CCDC27: variants seen among roughly 807,000 people sequenced by gnomAD.
The protein encoded by CCDC27 is coiled-coil domain containing 27, also known as coiled-coil domain-containing protein 27.
CCDC27 carries 80 observed loss-of-function variants against 80.3 expected under a neutral mutation model. The ratio of observed to expected loss-of-function variants is 1.00; its 90% confidence interval spans 0.83 to 1.20. The LOEUF is 1.20. Among genes scored for constraint, CCDC27 ranks in the 50% most tolerant of loss-of-function variants. CCDC27 has a pLI of 0.00. For missense variants in CCDC27, 815 were observed against 809.4 expected, an observed-to-expected ratio of 1.01 and a Z score of -0.08; for synonymous variants, 342 against 334.3, an observed-to-expected ratio of 1.02 and a Z score of -0.25.
chr1:3,762,740 C>A, intron 6 of CCDC27, 28 bp downstream of exon 6: 2 of 1,540,172 alleles, frequency 1.3e-6, no homozygotes, highest in Non-Finnish European at 1.8e-6. Flanking sequence ...AGCAGGCACG[C>A]AGTGGGGGAC....
intron 8 of CCDC27, among the ~76,000 whole-genome samples, chr1:3,764,128 G>A (rs371549031): frequency 2.0e-5 from 3 of 152,220 alleles, no homozygotes; most frequent in Non-Finnish European, 4.4e-5. Context: ...CACTCCTCAA[G>A]CATCTCCTGG....
At chr1:3,757,309 C>T (rs1433451981) in intron 4 of CCDC27, 1 of 152,566 alleles carries the variant, frequency 6.6e-6, no homozygotes, top group African/African-American at 2.4e-5. Flanking sequence ...TTTTCACTGT[C>T]TTATAATTCC....
In CCDC27 at chr1:3,766,450, G is replaced by A. The variant is rs1643228869; in HGVS notation, c.1453-85G>A. ...GCTGCTATTATTTTAGGGAGCTTTG[G>A]GGAAGGAAAAAAGTTAGATGCCGGA... is the stretch of plus-strand genomic sequence containing the variant. On this transcript the variant is annotated intron_variant, in intron 8 of 11. Transcript: ENST00000294600. This position sits in a 1 kb window ranked among gnomAD's most constrained non-coding sequence, Gnocchi z 6.1. The A allele has an allele frequency of 2.3e-6, 2 of 885,070 alleles. No individual in the cohort carries two copies. Among genetic ancestry groups the A allele is most frequent in the Non-Finnish European group, 3.6e-6 (2 of 553,954 alleles). 54.8% of individuals were successfully genotyped at this position (885,070 alleles called of 1,614,324 possible).
In CCDC27 at chr1:3,769,303, G is replaced by T. The variant is rs909175902; in HGVS notation, c.1744-480G>T. ...GCCAGGTTCAACGCTGCTGTCCATG[G>T]CACAGACACCTCCTAGTCAGCATGG... On this transcript the variant is annotated intron_variant, in intron 10 of 11. Transcript: ENST00000294600. This position sits in a 1 kb window ranked among gnomAD's most constrained non-coding sequence, Gnocchi z 4.6. 6.6e-6 allele frequency among the ~76,000 whole-genome samples: 1 copy of T among 152,082 alleles called. No individual in the cohort carries two copies. Among genetic ancestry groups the T allele is most frequent in the African/African-American group, 2.4e-5 (1 of 41,394 alleles).
rs139134726 is a variant in CCDC27, at chr1:3,762,688, G to A, written c.930G>A (p.Glu310=). 717 of 1,549,524 alleles carry A rather than the reference G, an allele frequency of 4.6e-4. 3 individuals carry two copies. Among genetic ancestry groups the A allele is most frequent in the Admixed American group, 5.7e-4 (29 of 50,992 alleles). Residue 310 remains glutamate (E), a synonymous_variant, in exon 6 of 12, where the codon GAG becomes GAA. Transcript: ENST00000294600. ...LSLLKAFSRH[E]EELQHWWQMQ... ...TCCTGAAGGCCTTCTCCAGACATGA[G>A]GAGGAGCTGCAGCACTGGTGGCAGG... is the stretch of plus-strand genomic sequence containing the variant.
At position 3,767,524 on chromosome 1, in the gene CCDC27, G is replaced by A. The variant is rs2275838; in HGVS notation, c.1743+79G>A. 6.5e-4 allele frequency: 850 copies of A among 1,317,090 alleles called. 4 individuals carry two copies. In the East Asian group the frequency reaches 0.013, roughly 20 times the overall value. 81.6% of individuals were successfully genotyped at this position (1,317,090 alleles called of 1,614,324 possible). On this transcript the variant is annotated intron_variant, in intron 10 of 11. Coordinates refer to ENST00000294600, the MANE Select transcript of CCDC27 (RefSeq NM_152492.3). ...CCCAGGCCTCTGCCCACCGCCCACC[G>A]AGGTAGAACCGGGGTCTGTGTACGC...
rs540215891 is a variant in CCDC27, at chr1:3,760,456, T to G, written c.712-825T>G. The stretch of plus-strand genomic sequence containing the variant: ...TCTTTTTCTGAACTCTTGAGATAGA[T>G]ACTTGGGTCATGATTTTCCATTTCC... On this transcript the variant is annotated intron_variant, in intron 4 of 11. Transcript: ENST00000294600. The surrounding 1 kb of genome is among the most constrained non-coding windows in gnomAD (Gnocchi z 4.3). 4.9e-4 allele frequency among the ~76,000 whole-genome samples: 74 copies of G among 152,352 alleles called. No homozygotes were observed. In the South Asian group the frequency reaches 8.9e-3, roughly 18 times the overall value.
At chr1:3,755,813 T>G in intron 3 of CCDC27, 1 of 493,102 alleles carries the variant, frequency 2.0e-6, no homozygotes, top group Middle Eastern at 5.6e-4. Context: ...TAGTTGAAAG[T>G]TTTGTCCCCT....
rs370141927 is a variant in CCDC27 at position 3,763,160 on chromosome 1, G to A, written c.1007G>A (p.Gly336Asp). ...AGGGGCAAGGAGCCCGACCTGGGAGGTGGCGAGGAGGACGAGGGCCTGGAA... is the reference window on the plus strand; with the variant it reads ...AGGGGCAAGGAGCCCGACCTGGGAGATGGCGAGGAGGACGAGGGCCTGGAA... ...PERGKEPDLGGGEEDEGLEGE... is the reference protein window; with the variant it reads ...PERGKEPDLGDGEEDEGLEGE... Residue 336 changes from glycine to aspartate, a missense_variant, in exon 7 of 12, where the codon GGT becomes GAT. Coordinates refer to ENST00000294600, the MANE Select transcript of CCDC27 (RefSeq NM_152492.3). The surrounding 1 kb of genome is among the most constrained non-coding windows in gnomAD (Gnocchi z 7.5). 1.3e-6 allele frequency: 2 copies of A among 1,493,092 alleles called. No individual in the cohort carries two copies. Among genetic ancestry groups the A allele is most frequent in the African/African-American group, 2.8e-5 (2 of 71,388 alleles). The allele number at this position is 1,493,092 out of a possible 1,614,324, so 92.5% of individuals were successfully genotyped here. A position where few individuals can be genotyped will look rare whatever the true frequency, so the allele number is the denominator to read the frequency against.
Position 3,766,677 on chromosome 1 carries a change from G to A in CCDC27, c.1530+65G>A. The A allele has an allele frequency of 7.3e-7, 1 of 1,369,686 alleles. No homozygotes were observed. The highest frequency in any genetic ancestry group is 1.0e-6 in the Non-Finnish European group (1 of 966,514). The allele number at this position is 1,369,686 out of a possible 1,614,324, so 84.8% of individuals were successfully genotyped here. A position where few individuals can be genotyped will look rare whatever the true frequency, so the allele number is the denominator to read the frequency against. ...TGTTCTTACTGTAAGTCCCAACACA[G>A]CAAAGGGCAAGACGGGGCTGGAGCG... On this transcript the variant is annotated intron_variant, in intron 9 of 11. Transcript: ENST00000294600. This position sits in a 1 kb window ranked among gnomAD's most constrained non-coding sequence, Gnocchi z 6.1.
Position 3,762,659 on chromosome 1 carries a change from A to C in CCDC27, c.901A>C (p.Ser301Arg). 6.5e-7 allele frequency: 1 copy of C among 1,550,184 alleles called. No homozygotes were observed. The change falls in exon 6 of 12, where the codon AGC (serine) becomes CGC (arginine). Residue 301 changes from serine (S) to arginine (R), a missense_variant. Physicochemically the swap from Ser to Arg is moderately radical, Grantham distance 110. Coordinates refer to ENST00000294600, the MANE Select transcript of CCDC27 (RefSeq NM_152492.3). ...SDASLKLGRLSLLKAFSRHEE... is the reference protein window; with the variant it reads ...SDASLKLGRLRLLKAFSRHEE... ...CGCTTCGCTGAAGCTGGGCAGGCTG[A>C]GCCTCCTGAAGGCCTTCTCCAGACA...
rs534628695 is a variant in CCDC27 at position 3,756,458 on chromosome 1, G to C, written c.554-275G>C. On this transcript the variant is annotated intron_variant, in intron 3 of 11. Coordinates refer to ENST00000294600, the MANE Select transcript of CCDC27 (RefSeq NM_152492.3). Reference sequence around the variant, plus strand: ...TCGTCCCGACTCCCAGCTCCGGCTCGTTTGTCCTGGGTGTCTCGGCCAGAG... The same window carrying C: ...TCGTCCCGACTCCCAGCTCCGGCTCCTTTGTCCTGGGTGTCTCGGCCAGAG... The C allele has an allele frequency of 1.2e-3, 385 of 310,654 alleles. 2 individuals carry two copies. Among genetic ancestry groups the C allele is most frequent in the African/African-American group, 7.8e-3 (361 of 46,490 alleles). 19.2% of individuals were successfully genotyped at this position (310,654 alleles called of 1,614,324 possible).
At position 3,761,293 on chromosome 1, in the gene CCDC27, T is replaced by A; in HGVS notation, c.724T>A (p.Ser242Thr). The A allele has an allele frequency of 6.2e-7, 1 of 1,613,976 alleles. No individual in the cohort carries two copies. The highest frequency in any genetic ancestry group is 1.1e-5 in the South Asian group (1 of 91,070). Residue 242 changes from serine (S) to threonine (T), a missense_variant, in exon 5 of 12, where the codon TCT becomes ACT. Coordinates refer to ENST00000294600, the MANE Select transcript of CCDC27 (RefSeq NM_152492.3). The surrounding 1 kb of genome is among the most constrained non-coding windows in gnomAD (Gnocchi z 5.0). ...GTTTTCTGCCCAGGATCACTGCCTG[T>A]CTGAGCTGGAGATACAGGTTCAGAA... ...SVIHEKDHCL[S>T]ELEIQVQKKD...
Position 3,769,942 on chromosome 1 carries a change from C to A in CCDC27, c.1848+55C>A. The A allele has an allele frequency of 1.5e-6, 2 of 1,303,192 alleles. No homozygotes were observed. The highest frequency in any genetic ancestry group is 2.2e-6 in the Non-Finnish European group (2 of 896,670). The allele number at this position is 1,303,192 out of a possible 1,614,324, so 80.7% of individuals were successfully genotyped here. On this transcript the variant is annotated intron_variant, in intron 11 of 11. Transcript: ENST00000294600. The surrounding 1 kb of genome is among the most constrained non-coding windows in gnomAD (Gnocchi z 4.6). Reference sequence around the variant, plus strand: ...CGGGCCCCAGACCCCCAGGCCAGAGCTGTGGTAGGGGGTTGTGGGGGGCCT... The same window carrying A: ...CGGGCCCCAGACCCCCAGGCCAGAGATGTGGTAGGGGGTTGTGGGGGGCCT...
chr1:3,753,972 G>A lies in CCDC27; in HGVS notation c.319-146G>A, dbSNP rs1439874749. The A allele has an allele frequency of 4.3e-6, 5 of 1,152,402 alleles. No individual in the cohort carries two copies. In the African/African-American group the frequency reaches 7.9e-5, roughly 18 times the overall value. 71.4% of individuals were successfully genotyped at this position (1,152,402 alleles called of 1,614,324 possible). ...CCTGAGGGGCCACACGGTGTCCTGG[G>A]TGTGGGGTCTGCATCTACATACGAC... On this transcript the variant is annotated intron_variant, in intron 1 of 11. Coordinates refer to ENST00000294600, the MANE Select transcript of CCDC27 (RefSeq NM_152492.3).
In CCDC27 at chr1:3,760,701, T is replaced by C. The variant is rs367619161; in HGVS notation, c.712-580T>C. Among the ~76,000 whole-genome samples the C allele has an allele frequency of 6.6e-6, 1 of 152,328 alleles. No homozygotes were observed. The highest frequency in any genetic ancestry group is 1.9e-4 in the East Asian group (1 of 5,184). ...TTATCTTTCCTTCCAGAATATTCTG[T>C]TGGGATCATTTTCCTTCCACCTGAA... On this transcript the variant is annotated intron_variant, in intron 4 of 11. Transcript: ENST00000294600. The surrounding 1 kb of genome is among the most constrained non-coding windows in gnomAD (Gnocchi z 4.3).
chr1:3,754,455 G>C (rs1371709971), intron 2 of CCDC27, among the ~76,000 whole-genome samples: 1 of 152,028 alleles, frequency 6.6e-6, no homozygotes, highest in Non-Finnish European at 1.5e-5. Context: ...TGGCCACTAT[G>C]ATTATGATTT....
chr1:3,766,045 T>C lies in CCDC27; in HGVS notation c.1453-490T>C, dbSNP rs1643220115. 6.6e-6 allele frequency among the ~76,000 whole-genome samples: 1 copy of C among 152,148 alleles called. No individual in the cohort carries two copies. Among genetic ancestry groups the C allele is most frequent in the Non-Finnish European group, 1.5e-5 (1 of 68,032 alleles). On this transcript the variant is annotated intron_variant, in intron 8 of 11. Coordinates refer to ENST00000294600, the MANE Select transcript of CCDC27 (RefSeq NM_152492.3). The surrounding 1 kb of genome is among the most constrained non-coding windows in gnomAD (Gnocchi z 6.1). ...CCACCACACCCAACCAATGTTCTTATTTTTTGTAGAGATAGGATCTATGTT... is the reference window on the plus strand; with the variant it reads ...CCACCACACCCAACCAATGTTCTTACTTTTTGTAGAGATAGGATCTATGTT...
At chr1:3,765,981 C>T (rs953914208) in intron 8 of CCDC27, among the ~76,000 whole-genome samples, 7 of 151,906 alleles carry the variant, frequency 4.6e-5, no homozygotes, top group Non-Finnish European at 8.8e-5. Flanking sequence ...GTGATCCTCT[C>T]GCCTCAGCCT....
Sources: gnomAD v4.1 joint callset for allele counts (sites outside exome capture counted in the v4.1 genomes callset) on GRCh38, gnomAD v4.1.1 for gene constraint, Gnocchi (gnomAD v3.1) non-coding constraint, MANE v1.5 for transcripts, NCBI Gene and HGNC (gene_info 2026-07-23, HGNC 2026-07-21) for gene names.